ADGRL3: variants seen among roughly 807,000 people sequenced by gnomAD.
ADGRL3 encodes calcium-independent alpha-latrotoxin receptor 3.
A neutral mutation model predicts 153.5 loss-of-function variants in ADGRL3; 62 were observed. That is an observed-to-expected ratio of 0.40 (90% CI 0.33 to 0.50). ADGRL3 has a LOEUF of 0.50. ADGRL3 is among the 20% of genes least tolerant of loss of function. The pLI is 0.47. For synonymous variants in ADGRL3, 710 were observed against 672.5 expected, an observed-to-expected ratio of 1.06 and a Z score of -0.86; for missense variants, 1,641 against 1,859.4, an observed-to-expected ratio of 0.88 and a Z score of 2.16.
intron 2 of ADGRL3, among the ~76,000 whole-genome samples, chr4:61,475,825 G>A (rs1032997857): frequency 6.6e-6 from 1 of 152,064 alleles, no homozygotes; most frequent in African/African-American, 2.4e-5. Context: ...ACCTGTAGAC[G>A]TTCTCTTATT....
At chr4:62,064,049 T>C (rs531247353) in intron 25 of ADGRL3, among the ~76,000 whole-genome samples, 1 of 152,212 alleles carries the variant, frequency 6.6e-6, no homozygotes, top group African/African-American at 2.4e-5. Context: ...TCTTACTTTG[T>C]TATACCATAA....
chr4:61,647,380 G>C (rs762834497), intron 5 of ADGRL3, among the ~76,000 whole-genome samples: 6 of 152,034 alleles, frequency 3.9e-5, no homozygotes, highest in Non-Finnish European at 8.8e-5. Context: ...AAAATTAATT[G>C]AGTTTTATTA....
chr4:61,207,122 C>G (rs753565225), intron 1 of ADGRL3, among the ~76,000 whole-genome samples: 1 of 151,920 alleles, frequency 6.6e-6, no homozygotes, highest in South Asian at 2.1e-4. Flanking sequence ...CACAGGTATA[C>G]ACGTGCCATG....
Position 61,934,863 on chromosome 4 carries a change from C to A in ADGRL3, c.2136C>A (p.Asn712Lys). 6.2e-7 allele frequency: 1 copy of A among 1,613,680 alleles called. No homozygotes were observed. Among genetic ancestry groups the A allele is most frequent in the East Asian group, 2.2e-5 (1 of 44,858 alleles). Residue 712 changes from asparagine to lysine, a missense_variant, in exon 14 of 27, where the codon AAC becomes AAA. Transcript: ENST00000683033. ...YVQAMVETVN[N>K]LLQPQALNAW... Reference sequence around the variant, plus strand: ...AGGCAATGGTCGAGACAGTTAACAACCTCCTTCAGCCACAAGCTTTGAATG... The same window carrying A: ...AGGCAATGGTCGAGACAGTTAACAAACTCCTTCAGCCACAAGCTTTGAATG...
At chr4:61,263,486 G>A (rs2149644376) in intron 1 of ADGRL3, among the ~76,000 whole-genome samples, 1 of 147,088 alleles carries the variant, frequency 6.8e-6, no homozygotes, top group Admixed American at 6.8e-5. Context: ...CCCTGAAAAA[G>A]TCTCATCTCT....
intron 8 of ADGRL3, among the ~76,000 whole-genome samples, chr4:61,774,957 C>G (rs1340430102): frequency 6.6e-6 from 1 of 152,106 alleles, no homozygotes; most frequent in Non-Finnish European, 1.5e-5. Flanking sequence ...GGTGCCGTCT[C>G]CAGGCTGATA....
At chr4:61,854,137 T>C (rs1308849696) in intron 9 of ADGRL3, among the ~76,000 whole-genome samples, 1 of 152,210 alleles carries the variant, frequency 6.6e-6, no homozygotes, top group Non-Finnish European at 1.5e-5. Context: ...CTTCTATTCA[T>C]ATTCATTAGA....
chr4:61,376,498 A>G (rs1238908142), intron 1 of ADGRL3, among the ~76,000 whole-genome samples: 1 of 152,030 alleles, frequency 6.6e-6, no homozygotes, highest in Non-Finnish European at 1.5e-5. Flanking sequence ...AAGTCTTCCT[A>G]GGGTTACAGA....
chr4:61,389,219 A>G (rs932511060), intron 2 of ADGRL3, among the ~76,000 whole-genome samples: 5 of 152,170 alleles, frequency 3.3e-5, no homozygotes, highest in African/African-American at 1.2e-4. Context: ...TAACACAACA[A>G]CAATGGGGAT....
chr4:61,832,569 C>T (rs1262877841), intron 9 of ADGRL3, among the ~76,000 whole-genome samples: 2 of 152,148 alleles, frequency 1.3e-5, no homozygotes, highest in Admixed American at 1.3e-4. Flanking sequence ...AAGCACTGAG[C>T]ATGCCAAAGC....
At chr4:62,015,346 A>G (rs950996250) in intron 21 of ADGRL3, among the ~76,000 whole-genome samples, 5 of 152,194 alleles carry the variant, frequency 3.3e-5, no homozygotes, top group African/African-American at 1.2e-4. Context: ...CAATGTGCTA[A>G]CTCAAAAACC....
chr4:61,876,096 C>T (rs2098473448), intron 9 of ADGRL3, among the ~76,000 whole-genome samples: 1 of 143,110 alleles, frequency 7.0e-6, no homozygotes, highest in Non-Finnish European at 1.6e-5. Context: ...ATTATATCAT[C>T]AAATAGTTTT....
chr4:61,579,994 T>C (rs1013546839), intron 4 of ADGRL3, among the ~76,000 whole-genome samples: 3 of 152,208 alleles, frequency 2.0e-5, no homozygotes, highest in South Asian at 4.1e-4. Context: ...CTTAGATAAA[T>C]GTGTTGGCAT....
intron 2 of ADGRL3, among the ~76,000 whole-genome samples, chr4:61,442,336 A>C (rs1299099049): frequency 1.3e-5 from 2 of 152,216 alleles, no homozygotes; most frequent in African/African-American, 2.4e-5. Context: ...GAGTGCAGCC[A>C]ATGTGGCTAG....
At chr4:61,470,376 T>C (rs1243347638) in intron 2 of ADGRL3, among the ~76,000 whole-genome samples, 1 of 151,948 alleles carries the variant, frequency 6.6e-6, no homozygotes, top group Non-Finnish European at 1.5e-5. Flanking sequence ...CAACTATTTC[T>C]CTCAGCATTG....
chr4:61,998,220 A>T lies in ADGRL3; in HGVS notation c.3350A>T (p.His1117Leu). The change falls in exon 21 of 27, where the codon CAT (histidine) becomes CTT (leucine). Residue 1117 changes from histidine to leucine, a missense_variant. Transcript: ENST00000683033. Reference sequence around the variant, plus strand: ...ATTGCTTTATATAAAATGTTTCATCATACTGCTATACTGAAACCTGAATCA... The same window carrying T: ...ATTGCTTTATATAAAATGTTTCATCTTACTGCTATACTGAAACCTGAATCA... ...LGIALYKMFH[H>L]TAILKPESGC... 6.3e-7 allele frequency: 1 copy of T among 1,585,092 alleles called. No individual in the cohort carries two copies.
chr4:61,856,417 G>A (rs1220682024), intron 9 of ADGRL3, among the ~76,000 whole-genome samples: 1 of 125,844 alleles, frequency 7.9e-6, no homozygotes, highest in Non-Finnish European at 1.6e-5. Context: ...CTGTGTCTGA[G>A]AATTCCTTCC....
chr4:61,463,000 A>T (rs1251418838), intron 2 of ADGRL3, among the ~76,000 whole-genome samples: 1 of 152,168 alleles, frequency 6.6e-6, no homozygotes, highest in Admixed American at 6.5e-5. Flanking sequence ...CCAGTTACAG[A>T]TCTAACAGTC....
chr4:62,048,676 G>C (rs978711526), intron 25 of ADGRL3, among the ~76,000 whole-genome samples: 1 of 151,690 alleles, frequency 6.6e-6, no homozygotes, highest in Admixed American at 6.6e-5. Flanking sequence ...CGTGCTTCAG[G>C]GTCCTGAGTA....
Sources: gnomAD v4.1 joint callset for allele counts (sites outside exome capture counted in the v4.1 genomes callset) on GRCh38, gnomAD v4.1.1 for gene constraint, MANE v1.5 for transcripts, NCBI Gene and HGNC (gene_info 2026-07-23, HGNC 2026-07-21) for gene names.